The following PALLD variants were observed in gnomAD, a reference collection of about 807,000 sequenced individuals.
PALLD encodes palladin, cytoskeletal associated protein.
PALLD carries 61 observed loss-of-function variants against 123.5 expected under a neutral mutation model. That is an observed-to-expected ratio of 0.49 (90% CI 0.40 to 0.61). The LOEUF is 0.61. Ranked by LOEUF, PALLD falls within the 20% of genes least tolerant of loss-of-function variation. The probability of loss-of-function intolerance (pLI) is 0.00; values close to 1 mark genes in which losing one functional copy is unlikely to be tolerated. For missense variants in PALLD, 1,273 were observed against 1,377.0 expected, an observed-to-expected ratio of 0.92 and a Z score of 1.20; for synonymous variants, 465 against 496.4, an observed-to-expected ratio of 0.94 and a Z score of 0.84.
intron 2 of PALLD, among the ~76,000 whole-genome samples, chr4:168,527,948 A>G (rs1764228815): frequency 6.6e-6 from 1 of 152,222 alleles, no homozygotes; most frequent in African/African-American, 2.4e-5. Flanking sequence ...CCCTGTGTTC[A>G]GGAAAGTGCA....
At chr4:168,575,182 A>G (rs756446423) in intron 2 of PALLD, among the ~76,000 whole-genome samples, 9 of 152,096 alleles carry the variant, frequency 5.9e-5, no homozygotes, top group African/African-American at 7.2e-5. Context: ...ATAAAACCGT[A>G]GATAACTTGA....
At chr4:168,602,329 ACT>A (rs1772750782) in intron 2 of PALLD, among the ~76,000 whole-genome samples, 2 of 152,176 alleles carry the variant, frequency 1.3e-5, no homozygotes, top group Admixed American at 6.5e-5. Context: ...TGAGACATAG[ACT>A]CTGAATTCCA....
At chr4:168,645,584 C>A (rs761368598) in intron 2 of PALLD, among the ~76,000 whole-genome samples, 12 of 152,188 alleles carry the variant, frequency 7.9e-5, no homozygotes, top group Non-Finnish European at 1.6e-4. Context: ...TTTCCTCTTT[C>A]TTTAAAATGG....
chr4:168,719,095 A>C lies in PALLD; in HGVS notation c.1964+7172A>C, dbSNP rs530832678. On this transcript the variant is annotated intron_variant, in intron 10 of 21. Coordinates refer to ENST00000505667, the MANE Select transcript of PALLD (RefSeq NM_001166108.2). The stretch of plus-strand genomic sequence containing the variant: ...GCTAATTTTTGTATTTTTAGTAGAG[A>C]CGGGGTTTCACCATGTTGGTCAGGC... Among the ~76,000 whole-genome samples, 3 of 151,320 alleles carry C rather than the reference A, an allele frequency of 2.0e-5. No individual in the cohort carries two copies. In the South Asian group the frequency reaches 6.3e-4, roughly 32 times the overall value.
intron 2 of PALLD, among the ~76,000 whole-genome samples, chr4:168,577,675 T>G (rs7672950): frequency 0.092 from 13,769 of 148,896 alleles, 915 homozygotes; most frequent in South Asian, 0.16. Flanking sequence ...TGACCATTAC[T>G]CAAAAGAGGC....
At chr4:168,650,643 CT>C (rs895177411) in intron 2 of PALLD, among the ~76,000 whole-genome samples, 1 of 152,014 alleles carries the variant, frequency 6.6e-6, no homozygotes, top group Non-Finnish European at 1.5e-5. Context: ...TTGTCAAATT[CT>C]TTTTTTAACA....
chr4:168,695,881 A>T (rs1783084066), intron 8 of PALLD, among the ~76,000 whole-genome samples: 1 of 152,190 alleles, frequency 6.6e-6, no homozygotes, highest in Non-Finnish European at 1.5e-5. Flanking sequence ...CACCATTTAA[A>T]AAGTATTGAG....
chr4:168,866,348 T>G (rs1030393775), intron 10 of PALLD, among the ~76,000 whole-genome samples: 5 of 152,102 alleles, frequency 3.3e-5, no homozygotes, highest in Non-Finnish European at 7.3e-5. Context: ...CTTTTTGTAT[T>G]TATTTTTTTC....
intron 2 of PALLD, among the ~76,000 whole-genome samples, chr4:168,581,419 T>C (rs1045610450): frequency 6.6e-6 from 1 of 152,120 alleles, no homozygotes; most frequent in African/African-American, 2.4e-5. Context: ...CGCTTAATCT[T>C]TTGTCTTTTT....
At chr4:168,587,654 T>G (rs1424963088) in intron 2 of PALLD, among the ~76,000 whole-genome samples, 4 of 152,112 alleles carry the variant, frequency 2.6e-5, no homozygotes, top group African/African-American at 4.8e-5. Flanking sequence ...GGCCAGCTGC[T>G]TTTTTCCCTA....
At chr4:168,776,891 A>G (rs184113191) in intron 10 of PALLD, among the ~76,000 whole-genome samples, 43 of 152,152 alleles carry the variant, frequency 2.8e-4, no homozygotes, top group Admixed American at 1.4e-3. Flanking sequence ...TAGTTTTTTT[A>G]TGTGTTAAAT....
intron 10 of PALLD, among the ~76,000 whole-genome samples, chr4:168,816,162 T>C (rs1741882574): frequency 6.6e-6 from 1 of 152,110 alleles, no homozygotes; most frequent in African/African-American, 2.4e-5. Flanking sequence ...GATGGGACCA[T>C]TACAGCTCTT....
chr4:168,572,816 T>C (rs1217885095), intron 2 of PALLD, among the ~76,000 whole-genome samples: 1 of 151,464 alleles, frequency 6.6e-6, no homozygotes, highest in Admixed American at 6.6e-5. Context: ...ACCTCCTAAA[T>C]AGTATACCTT....
chr4:168,627,188 A>G (rs1775381269), intron 2 of PALLD, among the ~76,000 whole-genome samples: 1 of 152,194 alleles, frequency 6.6e-6, no homozygotes, highest in Non-Finnish European at 1.5e-5. Flanking sequence ...CCATACCTTA[A>G]TACCTTATAC....
At chr4:168,795,424 A>G (rs1738349110) in intron 10 of PALLD, among the ~76,000 whole-genome samples, 1 of 152,218 alleles carries the variant, frequency 6.6e-6, no homozygotes, top group Non-Finnish European at 1.5e-5. Context: ...ATAATTAAGT[A>G]TATATATGTT....
At chr4:168,634,108 C>A (rs1776104335) in intron 2 of PALLD, among the ~76,000 whole-genome samples, 1 of 152,180 alleles carries the variant, frequency 6.6e-6, no homozygotes, top group Non-Finnish European at 1.5e-5. Context: ...TAATTGATTT[C>A]TCACACCTTG....
chr4:168,695,123 C>T (rs1243699226), intron 8 of PALLD, among the ~76,000 whole-genome samples: 1 of 152,168 alleles, frequency 6.6e-6, no homozygotes, highest in Non-Finnish European at 1.5e-5. Flanking sequence ...TATATTGCCT[C>T]CTGCTTTCAA....
intron 10 of PALLD, among the ~76,000 whole-genome samples, chr4:168,715,903 T>C (rs1785314875): frequency 6.7e-6 from 1 of 150,070 alleles, no homozygotes. Flanking sequence ...TGAGCCGAGA[T>C]AGCGCCACTG....
At chr4:168,714,564 A>G (rs1233544053) in intron 10 of PALLD, among the ~76,000 whole-genome samples, 1 of 152,168 alleles carries the variant, frequency 6.6e-6, no homozygotes, top group Non-Finnish European at 1.5e-5. Flanking sequence ...CTTTTCATAC[A>G]TTGTGGGAAA....
Sources: allele counts gnomAD v4.1 joint callset (sites outside exome capture counted in the v4.1 genomes callset), GRCh38; gene constraint gnomAD v4.1.1; transcripts MANE v1.5; gene names NCBI Gene and HGNC (gene_info 2026-07-23, HGNC 2026-07-21).